Variants in ALOX12 observed in about 807,000 individuals in gnomAD.
ALOX12 encodes the protein polyunsaturated fatty acid lipoxygenase ALOX12.
A neutral mutation model predicts 85.5 loss-of-function variants in ALOX12; 62 were observed. That is an observed-to-expected ratio of 0.73 (90% CI 0.59 to 0.90). The LOEUF (loss-of-function observed/expected upper bound fraction) is 0.90. Among genes scored for constraint, ALOX12 ranks in the 40% least tolerant of loss-of-function variants. The pLI, the probability that ALOX12 is intolerant of heterozygous loss-of-function variation, is 0.00. For synonymous variants in ALOX12, 299 were observed against 332.7 expected (o/e 0.90, Z 1.10); for missense variants, 751 against 856.5 (o/e 0.88, Z 1.54).
Position 7,001,762 on chromosome 17 carries a change from T to G in ALOX12, c.1112T>G (p.Ile371Ser). The change falls in exon 8 of 14, where the codon ATC (isoleucine) becomes AGC (serine). Residue 371 changes from isoleucine to serine, a missense_variant. By Grantham distance (142) the Ile-to-Ser change is moderately radical. Coordinates refer to ENST00000251535, the MANE Select transcript of ALOX12 (RefSeq NM_000697.3). Reference protein sequence around the residue: ...LLNTHLVAEVIAVATMRCLPG... With the variant: ...LLNTHLVAEVSAVATMRCLPG... ...AACACTCACCTGGTGGCTGAGGTCA[T>G]CGCTGTCGCCACCATGCGGTGCCTC... 1.9e-6 allele frequency: 3 copies of G among 1,614,116 alleles called. No individual in the cohort carries two copies. Among genetic ancestry groups the G allele is most frequent in the African/African-American group, 1.3e-5 (1 of 75,032 alleles).
At position 7,001,644 on chromosome 17, in the gene ALOX12, C is replaced by T; in HGVS notation, c.994C>T (p.Leu332=). The change falls in exon 8 of 14, where the codon CTG becomes TTG. Residue 332 remains leucine, a synonymous_variant. Coordinates refer to ENST00000251535, the MANE Select transcript of ALOX12 (RefSeq NM_000697.3). The stretch of plus-strand genomic sequence containing the variant: ...CAGCTCTCCAACCCCAACACTGTTC[C>T]TGCCCTCAGACCCCCCACTTGCCTG... ...NPSSPTPTLF[L]PSDPPLAWLL... is the part of the protein sequence containing the mutation. 2 of 1,614,220 alleles carry T rather than the reference C, an allele frequency of 1.2e-6. No individual in the cohort carries two copies. Among genetic ancestry groups the T allele is most frequent in the East Asian group, 2.2e-5 (1 of 44,890 alleles).
rs139327883 is a variant in ALOX12, at chr17:7,009,811, G to A, written c.1605G>A (p.Thr535=). The A allele has an allele frequency of 1.9e-3, 3,002 of 1,614,078 alleles. 7 individuals are homozygous for A. Among genetic ancestry groups the A allele is most frequent in the Non-Finnish European group, 2.4e-3 (2,806 of 1,180,028 alleles). Residue 535 remains threonine (T), a synonymous_variant, in exon 12 of 14, where the codon ACG becomes ACA. Transcript: ENST00000251535. ...LCHFLTMCVF[T]CTAQHAAINQ... Reference sequence around the variant, plus strand: ...ATTTCCTCACCATGTGCGTCTTCACGTGCACTGCCCAGCATGCCGCCATCA... The same window carrying A: ...ATTTCCTCACCATGTGCGTCTTCACATGCACTGCCCAGCATGCCGCCATCA...
chr17:6,996,421 G>A (rs1908441731), intron 1 of ALOX12, among the ~76,000 whole-genome samples, 169 bp downstream of exon 1: 1 of 152,102 alleles, frequency 6.6e-6, no homozygotes, highest in Non-Finnish European at 1.5e-5. Context: ...TTAGGGACAG[G>A]GTCCGCAGCT....
Position 7,000,948 on chromosome 17 carries a change from A to AT in ALOX12, c.951+472dup, listed in dbSNP as rs1420309140. Among the ~76,000 whole-genome samples, 1 of 112,594 alleles carries AT rather than the reference A, an allele frequency of 8.9e-6. No individual in the cohort carries two copies. Among genetic ancestry groups the AT allele is most frequent in the East Asian group, 2.4e-4 (1 of 4,120 alleles). 73.9% of individuals were successfully genotyped at this position (112,594 alleles called of 152,430 possible). A position where few individuals can be genotyped will look rare whatever the true frequency, so the allele number is the denominator to read the frequency against. On this transcript the variant is annotated intron_variant, in intron 7 of 13. Transcript: ENST00000251535. The surrounding 1 kb of genome is among the most constrained non-coding windows in gnomAD (Gnocchi z 4.6). The stretch of plus-strand genomic sequence containing the variant: ...CATCTCTTGAATATCTTTTCTCGCA[A>AT]TTTCTTTTTTTTTTTTGAGACAGAA...
chr17:7,007,215 C>T (rs1026389678), intron 11 of ALOX12, among the ~76,000 whole-genome samples: 3 of 152,344 alleles, frequency 2.0e-5, no homozygotes, highest in Admixed American at 6.5e-5. Flanking sequence ...ACCCTAACCA[C>T]CCCTTGGCCA....
chr17:7,007,614 T>C (rs1456146649), intron 11 of ALOX12, among the ~76,000 whole-genome samples: 1 of 152,150 alleles, frequency 6.6e-6, no homozygotes, highest in Non-Finnish European at 1.5e-5. Flanking sequence ...CTGGGCACAG[T>C]GGCTCACGCT....
intron 2 of ALOX12, among the ~76,000 whole-genome samples, chr17:6,998,081 T>C (rs1908538742): frequency 6.7e-6 from 1 of 150,370 alleles, no homozygotes; most frequent in South Asian, 2.1e-4. Context: ...TGAGGACAGG[T>C]GAAGGCGTGG....
At chr17:7,005,186 T>C (rs1357570147) in intron 8 of ALOX12, 71 bp from the exon 9 acceptor site, 1 of 1,340,326 alleles carries the variant, frequency 7.5e-7, no homozygotes, top group Non-Finnish European at 1.1e-6. Context: ...CCATGCTGGG[T>C]GCCAGGCCCT....
chr17:7,009,112 T>G (rs1479464697), intron 11 of ALOX12, among the ~76,000 whole-genome samples: 1 of 146,294 alleles, frequency 6.8e-6, no homozygotes, highest in African/African-American at 2.5e-5. Flanking sequence ...CAGGCTGGAG[T>G]GCAGTGGCGG....
intron 9 of ALOX12, among the ~76,000 whole-genome samples, 168 bp from the exon 10 acceptor site, chr17:7,005,690 A>T (rs1295577227): frequency 1.3e-5 from 2 of 151,868 alleles, no homozygotes; most frequent in African/African-American, 2.4e-5. Flanking sequence ...TGTGTTGGCC[A>T]GACTGGTCTC....
rs566663426 is a variant in ALOX12 at position 6,997,002 on chromosome 17, C to T, written c.312C>T (p.Asp104=). 5.8e-6 allele frequency: 9 copies of T among 1,551,296 alleles called. No individual in the cohort carries two copies. The African/African-American group carries it at 9.5e-5, about 16-fold the overall frequency. The change falls in exon 2 of 14, where the codon GAC becomes GAT. Residue 104 remains aspartate, a synonymous_variant. Coordinates refer to ENST00000251535, the MANE Select transcript of ALOX12 (RefSeq NM_000697.3). ...FPCYRWVQGE[D]ILSLPEGTAR... is the part of the protein sequence containing the mutation. The stretch of plus-strand genomic sequence containing the variant: ...GCTACCGCTGGGTGCAGGGCGAGGA[C>T]ATCCTGAGCCTGCCCGAGGGCACCG...
At chr17:7,002,034 C>T in intron 8 of ALOX12, 4 of 567,090 alleles carry the variant, frequency 7.1e-6, no homozygotes, top group Non-Finnish European at 1.3e-5. Flanking sequence ...GACAGTCTAG[C>T]AGTGCGCTCA....
chr17:6,996,320 C>T (rs1908435515), intron 1 of ALOX12, 68 bp downstream of exon 1: 2 of 1,213,890 alleles, frequency 1.6e-6, no homozygotes, highest in South Asian at 8.3e-5. Flanking sequence ...CCGAGCTGGG[C>T]TCGCGGCGGG....
Position 6,996,764 on chromosome 17 carries a change from T to C in ALOX12, c.136-62T>C. The stretch of plus-strand genomic sequence containing the variant: ...GAGGTTGCACAGGAGCGCGGCTCTG[T>C]CCTCGAAACGGCCTCAGTCGGGTCC... On this transcript the variant is annotated intron_variant, in intron 1 of 13. Coordinates refer to ENST00000251535, the MANE Select transcript of ALOX12 (RefSeq NM_000697.3). 3.9e-6 allele frequency: 6 copies of C among 1,540,316 alleles called. No homozygotes were observed. The South Asian group carries it at 6.1e-5, about 16-fold the overall frequency.
chr17:7,005,309 C>A lies in ALOX12; in HGVS notation c.1214C>A (p.Thr405Asn), dbSNP rs983550156. Reference sequence around the variant, plus strand: ...ATGGAAATCAACACCCGGGCCCGGACCCAACTCATCTCAGATGGAGGAATT... The same window carrying A: ...ATGGAAATCAACACCCGGGCCCGGAACCAACTCATCTCAGATGGAGGAATT... Reference protein sequence around the residue: ...YTMEINTRARTQLISDGGIFD... With the variant: ...YTMEINTRARNQLISDGGIFD... The change falls in exon 9 of 14, where the codon ACC becomes AAC. Residue 405 changes from threonine to asparagine, a missense_variant. Transcript: ENST00000251535. 3 of 1,613,802 alleles carry A rather than the reference C, an allele frequency of 1.9e-6. No homozygotes were observed. Among genetic ancestry groups the A allele is most frequent in the Non-Finnish European group, 2.5e-6 (3 of 1,179,816 alleles).
Position 6,999,071 on chromosome 17 carries a change from G to A in ALOX12, c.646+15G>A, listed in dbSNP as rs754547740. 45 of 1,610,358 alleles carry A rather than the reference G, an allele frequency of 2.8e-5. No individual in the cohort carries two copies. Among genetic ancestry groups the A allele is most frequent in the East Asian group, 6.7e-5 (3 of 44,856 alleles). On this transcript the variant is annotated intron_variant, in intron 5 of 13. Transcript: ENST00000251535. ...TGCCCTGGCTGGTCAGTGGTTCCCC[G>A]AGGTCTCCATAATCCCTTAATGGCC...
At position 7,003,932 on chromosome 17, in the gene ALOX12, C is replaced by A. The variant is rs184767011; in HGVS notation, c.1162-1325C>A. On this transcript the variant is annotated intron_variant, in intron 8 of 13. Transcript: ENST00000251535. ...CCAGCATCAACAATTCAGACAAGCA[C>A]CAAAACTGCTTGAAACCTGCATGTT... is the stretch of plus-strand genomic sequence containing the variant. Among the ~76,000 whole-genome samples the A allele has an allele frequency of 4.9e-3, 751 of 151,806 alleles. 4 individuals carry two copies. The highest frequency in any genetic ancestry group is 0.016 in the African/African-American group (655 of 41,344).
chr17:7,001,526 C>A, intron 7 of ALOX12, 76 bp from the exon 8 acceptor site: 1 of 1,382,726 alleles, frequency 7.2e-7, no homozygotes, highest in Non-Finnish European at 1.0e-6. Context: ...CTTACTTAGT[C>A]ATCTCTGTTT....
At chr17:7,008,085 G>A (rs1184864893) in intron 11 of ALOX12, among the ~76,000 whole-genome samples, 1 of 152,116 alleles carries the variant, frequency 6.6e-6, no homozygotes. Flanking sequence ...TGCTCATAAA[G>A]GTATCAAACC....
Sources: allele counts gnomAD v4.1 joint callset (sites outside exome capture counted in the v4.1 genomes callset), GRCh38; gene constraint gnomAD v4.1.1; non-coding constraint Gnocchi (gnomAD v3.1); transcripts MANE v1.5; gene names NCBI Gene and HGNC (gene_info 2026-07-23, HGNC 2026-07-21).